The following RBFOX1 variants were observed in gnomAD, a reference collection of about 807,000 sequenced individuals.
RBFOX1 encodes RNA binding protein fox-1 homolog 1.
A neutral mutation model predicts 57.7 loss-of-function variants in RBFOX1; 8 were observed. The observed-to-expected ratio is 0.14, with a 90% CI of 0.08 to 0.25. The LOEUF (loss-of-function observed/expected upper bound fraction) is 0.25. Ranked by LOEUF, RBFOX1 falls within the 10% of genes least tolerant of loss-of-function variation. The probability of loss-of-function intolerance (pLI) is 1.00; values close to 1 mark genes in which losing one functional copy is unlikely to be tolerated. For missense variants in RBFOX1, 611 were observed against 548.5 expected (o/e 1.11, Z -1.14); for synonymous variants, 326 against 222.4 (o/e 1.47, Z -4.15).
At chr16:7,344,095 G>C (rs2096948422) in intron 4 of RBFOX1, among the ~76,000 whole-genome samples, 1 of 139,620 alleles carries the variant, frequency 7.2e-6, no homozygotes, top group Non-Finnish European at 1.5e-5. Flanking sequence ...TAGAATCTCA[G>C]CTTTACTTTT....
chr16:6,349,998 A>G (rs548131287), intron 2 of RBFOX1, among the ~76,000 whole-genome samples: 1 of 152,288 alleles, frequency 6.6e-6, no homozygotes, highest in South Asian at 2.1e-4. Context: ...ACATGTAGAA[A>G]AGAGACTTTT....
At chr16:6,468,040 G>T (rs888458665) in intron 2 of RBFOX1, among the ~76,000 whole-genome samples, 1 of 152,182 alleles carries the variant, frequency 6.6e-6, no homozygotes, top group Non-Finnish European at 1.5e-5. Context: ...AGGAGAGTCT[G>T]TGTCTCCTGG....
intron 3 of RBFOX1, among the ~76,000 whole-genome samples, chr16:6,657,877 C>A (rs1307000320): frequency 6.6e-6 from 1 of 151,648 alleles, no homozygotes; most frequent in East Asian, 1.9e-4. Flanking sequence ...TCACAGAACC[C>A]CTATAGGATG....
At chr16:5,631,696 C>T (rs527595966) in intron 3 of RBFOX1, among the ~76,000 whole-genome samples, 2 of 152,274 alleles carry the variant, frequency 1.3e-5, no homozygotes, top group South Asian at 4.1e-4. Context: ...CATTGCCTTC[C>T]CCTACCCTCA....
intron 2 of RBFOX1, among the ~76,000 whole-genome samples, chr16:6,350,941 G>T (rs576326187): frequency 6.6e-6 from 1 of 152,258 alleles, no homozygotes; most frequent in East Asian, 1.9e-4. Flanking sequence ...CTGGCACCTG[G>T]TCCTCACCAC....
At chr16:7,352,607 C>G (rs897551098) in intron 4 of RBFOX1, among the ~76,000 whole-genome samples, 2 of 152,256 alleles carry the variant, frequency 1.3e-5, no homozygotes, top group Middle Eastern at 3.4e-3. Context: ...CAGAAACAAG[C>G]TCGCTATATT....
intron 4 of RBFOX1, among the ~76,000 whole-genome samples, chr16:7,299,141 C>T (rs191248150): frequency 1.3e-5 from 2 of 152,300 alleles, no homozygotes; most frequent in East Asian, 3.9e-4. Context: ...CAGGACTGTA[C>T]CAGTTTTGAC....
chr16:6,314,159 T>G (rs1264092215), intron 1 of RBFOX1, among the ~76,000 whole-genome samples: 2 of 152,180 alleles, frequency 1.3e-5, no homozygotes, highest in African/African-American at 4.8e-5. Flanking sequence ...AGAAACCTCT[T>G]TCTGGAATGA....
At chr16:7,321,136 C>CTTATAT (rs2096539485) in intron 4 of RBFOX1, among the ~76,000 whole-genome samples, 1 of 149,966 alleles carries the variant, frequency 6.7e-6, no homozygotes, top group African/African-American at 2.4e-5. Flanking sequence ...TATACTTATA[C>CTTATAT]TTATATTGTT....
intron 3 of RBFOX1, among the ~76,000 whole-genome samples, chr16:6,906,341 A>G (rs886331570): frequency 2.6e-5 from 4 of 152,122 alleles, no homozygotes; most frequent in Non-Finnish European, 4.4e-5. Context: ...CTCAGGCACT[A>G]CCTAATGATT....
intron 3 of RBFOX1, among the ~76,000 whole-genome samples, chr16:7,000,443 A>T (rs1410709651): frequency 6.6e-6 from 1 of 152,116 alleles, no homozygotes; most frequent in African/African-American, 2.4e-5. Flanking sequence ...AACAGTCTCT[A>T]CATAGTCTGG....
chr16:6,711,992 G>C (rs1047745865), intron 3 of RBFOX1, among the ~76,000 whole-genome samples: 1 of 152,132 alleles, frequency 6.6e-6, no homozygotes, highest in Non-Finnish European at 1.5e-5. Context: ...ATACGTTTTA[G>C]TGATTTTGTT....
chr16:6,965,005 G>A (rs1293060044), intron 3 of RBFOX1, among the ~76,000 whole-genome samples: 5 of 152,134 alleles, frequency 3.3e-5, no homozygotes, highest in African/African-American at 9.7e-5. Context: ...AATGATGGTG[G>A]AAATGATTAT....
rs556168627 is a variant in RBFOX1 at position 6,398,069 on chromosome 16, G to A, written c.-64+81012G>A. Among the ~76,000 whole-genome samples, 47 of 152,270 alleles carry A rather than the reference G, an allele frequency of 3.1e-4. 1 individual carries two copies. The highest frequency in any genetic ancestry group is 1.0e-3 in the African/African-American group (42 of 41,562). Reference sequence around the variant, plus strand: ...CAGGAAACTTACAATTATGGCAGAAGGGTAAGCAAACACGTCCTTCTTCAC... The same window carrying A: ...CAGGAAACTTACAATTATGGCAGAAAGGTAAGCAAACACGTCCTTCTTCAC... On this transcript the variant is annotated intron_variant, in intron 2 of 15. Transcript: ENST00000550418.
chr16:6,050,284 C>G (rs1357085793), intron 1 of RBFOX1, among the ~76,000 whole-genome samples: 1 of 152,084 alleles, frequency 6.6e-6, no homozygotes. Flanking sequence ...TTTAATCAGT[C>G]TTTCTCCCAT....
chr16:7,268,311 AG>A (rs1456192576), intron 4 of RBFOX1, among the ~76,000 whole-genome samples: 1 of 152,194 alleles, frequency 6.6e-6, no homozygotes, highest in African/African-American at 2.4e-5. Flanking sequence ...AACGGACAGT[AG>A]GGGGCAAAAG....
chr16:5,819,208 C>T (rs561167105), intron 3 of RBFOX1, among the ~76,000 whole-genome samples: 1 of 152,260 alleles, frequency 6.6e-6, no homozygotes, highest in African/African-American at 2.4e-5. Flanking sequence ...CTGCTAAGGG[C>T]CCACTTCCTA....
intron 4 of RBFOX1, among the ~76,000 whole-genome samples, chr16:7,071,725 A>G (rs1188391496): frequency 6.6e-6 from 1 of 152,080 alleles, no homozygotes; most frequent in Non-Finnish European, 1.5e-5. Context: ...CCTATACACA[A>G]AAAGTTACTG....
chr16:7,379,632 G>C (rs1261395651), intron 4 of RBFOX1, among the ~76,000 whole-genome samples: 1 of 152,178 alleles, frequency 6.6e-6, no homozygotes, highest in Non-Finnish European at 1.5e-5. Flanking sequence ...AGGTGAGGCA[G>C]AGGGCTACAT....
Sources: gnomAD v4.1 joint callset for allele counts (sites outside exome capture counted in the v4.1 genomes callset) on GRCh38, gnomAD v4.1.1 for gene constraint, MANE v1.5 for transcripts, NCBI Gene and HGNC (gene_info 2026-07-23, HGNC 2026-07-21) for gene names.